The following PALLD variants were observed in gnomAD, a reference collection of about 807,000 sequenced individuals.
PALLD encodes the protein palladin, cytoskeletal associated protein.
PALLD carries 61 observed loss-of-function variants against 123.5 expected under a neutral mutation model. That is an observed-to-expected ratio of 0.49 (90% CI 0.40 to 0.61). The LOEUF (loss-of-function observed/expected upper bound fraction) is 0.61, where lower values mean the gene tolerates loss of function less well. Ranked by LOEUF, PALLD falls within the 20% of genes least tolerant of loss-of-function variation. The pLI is 0.00. For synonymous variants in PALLD, 465 were observed against 496.4 expected, an observed-to-expected ratio of 0.94 and a Z score of 0.84; for missense variants, 1,273 against 1,377.0, an observed-to-expected ratio of 0.92 and a Z score of 1.20.
At chr4:168,785,329 T>A (rs1736560578) in intron 10 of PALLD, among the ~76,000 whole-genome samples, 1 of 152,098 alleles carries the variant, frequency 6.6e-6, no homozygotes, top group Non-Finnish European at 1.5e-5. Flanking sequence ...CAGTCCTTGT[T>A]CCTGCCTCCT....
intron 10 of PALLD, among the ~76,000 whole-genome samples, chr4:168,734,016 T>A (rs1331505334): frequency 1.3e-5 from 2 of 152,042 alleles, no homozygotes; most frequent in South Asian, 2.1e-4. Flanking sequence ...ATTACAGGCG[T>A]TGAGCCACCA....
At chr4:168,581,015 A>T (rs958017564) in intron 2 of PALLD, among the ~76,000 whole-genome samples, 8 of 151,776 alleles carry the variant, frequency 5.3e-5, no homozygotes, top group African/African-American at 1.9e-4. Context: ...AAAAAAAAAA[A>T]CTGTCAGATA....
At chr4:168,765,904 G>C (rs1032806805) in intron 10 of PALLD, among the ~76,000 whole-genome samples, 1 of 152,246 alleles carries the variant, frequency 6.6e-6, no homozygotes, top group Non-Finnish European at 1.5e-5. Context: ...GAAGAGAAGA[G>C]GGTGTGTCTT....
chr4:168,891,414 G>T (rs1754132871), intron 11 of PALLD, among the ~76,000 whole-genome samples: 1 of 152,132 alleles, frequency 6.6e-6, no homozygotes, highest in South Asian at 2.1e-4. Flanking sequence ...GCCCGCCTTG[G>T]CCTCCCAAAG....
chr4:168,833,524 C>T (rs1173669708), intron 10 of PALLD, among the ~76,000 whole-genome samples: 1 of 152,054 alleles, frequency 6.6e-6, no homozygotes, highest in Non-Finnish European at 1.5e-5. Context: ...ATAATATGAT[C>T]CTGGTTCATA....
At chr4:168,504,758 A>T (rs1761829338) in intron 1 of PALLD, 1 of 152,286 alleles carries the variant, frequency 6.6e-6, no homozygotes, top group South Asian at 2.1e-4. Flanking sequence ...GTGAGGAGGC[A>T]GGGGACAGGA....
intron 2 of PALLD, among the ~76,000 whole-genome samples, chr4:168,615,872 C>G (rs1012033825): frequency 6.6e-6 from 1 of 152,068 alleles, no homozygotes; most frequent in Admixed American, 6.5e-5. Context: ...GGAAGAATAC[C>G]CCAGTCAATT....
intron 10 of PALLD, among the ~76,000 whole-genome samples, chr4:168,801,774 C>T (rs1293743734): frequency 2.0e-5 from 3 of 152,154 alleles, no homozygotes; most frequent in Non-Finnish European, 4.4e-5. Flanking sequence ...GCAGAGGCAC[C>T]GCTGGGTGTC....
Position 168,685,556 on chromosome 4 carries a change from A to G in PALLD, c.1332A>G (p.Thr444=). The change falls in exon 6 of 22, where the codon ACA becomes ACG. Residue 444 remains threonine (T), a synonymous_variant. Coordinates refer to ENST00000505667, the MANE Select transcript of PALLD (RefSeq NM_001166108.2). ...TTTAYFPPVF[T]KELQNTAVAE... ...CTGCCTACTTTCCTCCTGTTTTTAC[A>G]AAGGTCTGACATCTGGAAGTCTCAT... is the stretch of plus-strand genomic sequence containing the variant. 1 of 1,604,012 alleles carries G rather than the reference A, an allele frequency of 6.2e-7. No individual in the cohort carries two copies. Among genetic ancestry groups the G allele is most frequent in the Non-Finnish European group, 8.5e-7 (1 of 1,170,834 alleles).
chr4:168,880,351 C>A (rs958424727), intron 10 of PALLD, among the ~76,000 whole-genome samples: 1 of 152,130 alleles, frequency 6.6e-6, no homozygotes, highest in Non-Finnish European at 1.5e-5. Flanking sequence ...CCATGGAAAA[C>A]TGTACCCAAA....
chr4:168,703,027 TA>T (rs1208943061), intron 8 of PALLD, among the ~76,000 whole-genome samples: 37 of 140,790 alleles, frequency 2.6e-4, no homozygotes, highest in African/African-American at 9.2e-4. Context: ...CATCTAGCAT[TA>T]GGTATATCTC....
Position 168,511,894 on chromosome 4 carries a change from G to T in PALLD, c.390G>T (p.Arg130Ser), listed in dbSNP as rs746028081. The change falls in exon 2 of 22, where the codon AGG becomes AGT. Residue 130 changes from arginine (R) to serine (S), a missense_variant. Transcript: ENST00000505667. ...RKPAMSPLLT[R>S]PSYIRSLRKA... ...CTGCCATGTCACCCCTGCTCACCAG[G>T]CCCAGCTACATCCGGAGCCTCCGAA... 3.1e-6 allele frequency: 5 copies of T among 1,614,010 alleles called. No individual in the cohort carries two copies. The Admixed American group carries it at 8.3e-5, about 27-fold the overall frequency.
chr4:168,878,172 C>T lies in PALLD; in HGVS notation c.1965-12750C>T, dbSNP rs1214116470. On this transcript the variant is annotated intron_variant, in intron 10 of 21. Transcript: ENST00000505667. The stretch of plus-strand genomic sequence containing the variant: ...CCGTCGCCCCCGCCCCCGCCACCCC[C>T]GGTCTTCAGCCCCACGGCTGCCTTC... 1.6e-5 allele frequency: 24 copies of T among 1,498,968 alleles called. No homozygotes were observed. Among genetic ancestry groups the T allele is most frequent in the East Asian group, 5.5e-5 (2 of 36,646 alleles). The allele number at this position is 1,498,968 out of a possible 1,614,324, so 92.9% of individuals were successfully genotyped here.
chr4:168,702,109 A>C (rs989071239), intron 8 of PALLD, among the ~76,000 whole-genome samples: 1 of 152,210 alleles, frequency 6.6e-6, no homozygotes. Context: ...CCATTTCCTG[A>C]CTTAAATCTT....
rs10637670 is a variant in PALLD at position 168,669,800 on chromosome 4, G to GCACACACACACACACA, written c.1087+1441_1087+1456dup. 4.2e-3 allele frequency among the ~76,000 whole-genome samples: 623 copies of GCACACACACACACACA among 148,010 alleles called. 3 individuals carry two copies. Among genetic ancestry groups the GCACACACACACACACA allele is most frequent in the African/African-American group, 0.015 (604 of 40,344 alleles). ...AATACTTACATGACACTTACAAAAT[G>GCACACACACACACACA]CACACACACACACACACACACACAA... On this transcript the variant is annotated intron_variant, in intron 3 of 21. Coordinates refer to ENST00000505667, the MANE Select transcript of PALLD (RefSeq NM_001166108.2).
chr4:168,736,242 T>G (rs146797849), intron 10 of PALLD, among the ~76,000 whole-genome samples: 277 of 152,368 alleles, frequency 1.8e-3, no homozygotes, highest in Middle Eastern at 0.017. Flanking sequence ...ACTTTTATTC[T>G]GGTATGTATA....
chr4:168,754,574 A>G (rs1731512711), intron 10 of PALLD, among the ~76,000 whole-genome samples: 1 of 152,162 alleles, frequency 6.6e-6, no homozygotes, highest in Non-Finnish European at 1.5e-5. Context: ...AGCTCATTAC[A>G]TGGTGATGAT....
intron 2 of PALLD, among the ~76,000 whole-genome samples, chr4:168,516,933 T>C (rs1331710910): frequency 1.3e-5 from 2 of 152,192 alleles, no homozygotes; most frequent in Non-Finnish European, 2.9e-5. Context: ...ACAGAAAATA[T>C]TTTTTAAGGT....
rs550189720 is a variant in PALLD, at chr4:168,511,425, C to A, written c.-80C>A. On this transcript the variant is annotated splice_region_variant and 5_prime_UTR_variant, in exon 2 of 22. Transcript: ENST00000505667. The stretch of plus-strand genomic sequence containing the variant: ...TGACATTCTATGCTGTCTTTCAGAA[C>A]ACAGTTTCAGAAAACAGTTTCCAGT... The A allele has an allele frequency of 8.7e-6, 9 of 1,033,484 alleles. No individual in the cohort carries two copies. In the East Asian group the frequency reaches 2.1e-4, roughly 24 times the overall value. 64.0% of individuals were successfully genotyped at this position (1,033,484 alleles called of 1,614,324 possible).
Sources: allele counts gnomAD v4.1 joint callset (sites outside exome capture counted in the v4.1 genomes callset), GRCh38; gene constraint gnomAD v4.1.1; transcripts MANE v1.5; gene names NCBI Gene and HGNC (gene_info 2026-07-23, HGNC 2026-07-21).